GRIA1: variants seen among roughly 807,000 people sequenced by gnomAD.
The protein encoded by GRIA1 is glutamate ionotropic receptor AMPA type subunit 1.
In GRIA1, 31 loss-of-function variants were observed where a neutral mutation model predicts 99.2. The observed-to-expected ratio is 0.31, with a 90% confidence interval of 0.23 to 0.42. GRIA1 has a LOEUF of 0.42. Among genes scored for constraint, GRIA1 ranks in the 10% least tolerant of loss-of-function variants. The pLI is 1.00. For synonymous variants in GRIA1, 438 were observed against 432.4 expected (o/e 1.01, Z -0.16); for missense variants, 782 against 1,157.5 (o/e 0.68, Z 4.71).
chr5:153,518,786 A>G (rs1420750203), intron 2 of GRIA1, among the ~76,000 whole-genome samples: 1 of 152,218 alleles, frequency 6.6e-6, no homozygotes, highest in Admixed American at 6.5e-5. Flanking sequence ...TGGCAGATGC[A>G]GAAATGGAGA....
At chr5:153,625,873 G>T (rs1374929326) in intron 2 of GRIA1, among the ~76,000 whole-genome samples, 1 of 152,190 alleles carries the variant, frequency 6.6e-6, no homozygotes, top group Non-Finnish European at 1.5e-5. Context: ...TTCTGTATAT[G>T]AGGAAACTGA....
chr5:153,796,504 T>G (rs1015994211), intron 14 of GRIA1, among the ~76,000 whole-genome samples: 1 of 152,210 alleles, frequency 6.6e-6, no homozygotes, highest in South Asian at 2.1e-4. Flanking sequence ...GGCTGCTGCT[T>G]CTTAAAAAGC....
At chr5:153,689,685 CAT>C (rs1757597407) in intron 8 of GRIA1, among the ~76,000 whole-genome samples, 1 of 152,154 alleles carries the variant, frequency 6.6e-6, no homozygotes. Context: ...AAGTGAGAGA[CAT>C]TGGGCTGTGC....
rs1274005667 is a variant in GRIA1 at position 153,796,103 on chromosome 5, C to T, written c.2385+1368C>T. ...AAGGATACCCTTTGGCTTACACATT[C>T]AAGGGCCATTGAATTGGCCTCCAAG... On this transcript the variant is annotated intron_variant, in intron 14 of 15. Transcript: ENST00000285900. 2.7e-5 allele frequency among the ~76,000 whole-genome samples: 4 copies of T among 146,640 alleles called. No homozygotes were observed. In the Admixed American group the frequency reaches 2.8e-4, roughly 10 times the overall value.
intron 2 of GRIA1, among the ~76,000 whole-genome samples, chr5:153,576,784 T>C (rs1450995457): frequency 6.6e-6 from 1 of 152,200 alleles, no homozygotes; most frequent in Non-Finnish European, 1.5e-5. Context: ...GACTTTACAG[T>C]GTGTGAAGGT....
At chr5:153,504,895 T>C (rs1388720865) in intron 2 of GRIA1, among the ~76,000 whole-genome samples, 1 of 152,180 alleles carries the variant, frequency 6.6e-6, no homozygotes, top group African/African-American at 2.4e-5. Context: ...CTCAAGCTAT[T>C]GTGCACAAAC....
intron 2 of GRIA1, among the ~76,000 whole-genome samples, chr5:153,514,778 T>C (rs1756450442): frequency 1.3e-5 from 2 of 152,138 alleles, no homozygotes; most frequent in Non-Finnish European, 2.9e-5. Flanking sequence ...AATAACCCTA[T>C]TAAAAATGGG....
At position 153,589,850 on chromosome 5, in the gene GRIA1, G is replaced by C. The variant is rs561179398; in HGVS notation, c.221-57078G>C. 6.6e-5 allele frequency among the ~76,000 whole-genome samples: 10 copies of C among 152,256 alleles called. 1 individual carries two copies. Among genetic ancestry groups the C allele is most frequent in the Middle Eastern group, 3.4e-3 (1 of 294 alleles). On this transcript the variant is annotated intron_variant, in intron 2 of 15. Coordinates refer to ENST00000285900, the MANE Select transcript of GRIA1 (RefSeq NM_000827.4). ...CATAATAATGTACTGTATGGAAAAA[G>C]AGGGAAGATGCTGTTGAAGAAACTG...
chr5:153,575,843 C>G (rs1762485955), intron 2 of GRIA1, among the ~76,000 whole-genome samples: 1 of 152,192 alleles, frequency 6.6e-6, no homozygotes, highest in Non-Finnish European at 1.5e-5. Context: ...CACCAGCCCA[C>G]CAGGCTGGCA....
At chr5:153,555,450 T>C (rs1312039681) in intron 2 of GRIA1, among the ~76,000 whole-genome samples, 1 of 152,194 alleles carries the variant, frequency 6.6e-6, no homozygotes, top group East Asian at 1.9e-4. Context: ...TTATCATTTA[T>C]AATGTTTCAA....
At chr5:153,745,589 C>CAAAAAAAAAAAAAAAAAAAAAAAGAAAA (rs1762098681) in intron 11 of GRIA1, among the ~76,000 whole-genome samples, 1 of 100,908 alleles carries the variant, frequency 9.9e-6, no homozygotes, top group Non-Finnish European at 2.0e-5. Flanking sequence ...AACTCTGTCT[C>CAAAAAAAAAAAAAAAAAAAAAAAGAAAA]AAAAAAAAAA....
At chr5:153,658,671 T>C (rs958502190) in intron 5 of GRIA1, among the ~76,000 whole-genome samples, 10 of 152,216 alleles carry the variant, frequency 6.6e-5, no homozygotes, top group Non-Finnish European at 1.3e-4. Flanking sequence ...AGCCTACTGC[T>C]GCATAGAACT....
chr5:153,504,689 T>C (rs369143230), intron 2 of GRIA1, among the ~76,000 whole-genome samples: 108 of 152,232 alleles, frequency 7.1e-4, no homozygotes, highest in African/African-American at 2.2e-3. Flanking sequence ...GTAATCCTTG[T>C]CCAGCCACGA....
At chr5:153,491,127 G>T in intron 1 of GRIA1, 157 bp downstream of exon 1, 1 of 995,274 alleles carries the variant, frequency 1.0e-6, no homozygotes. Context: ...CTTACAGCCA[G>T]AGGAGGGGGC....
chr5:153,810,209 A>T (rs928130554), intron 15 of GRIA1, among the ~76,000 whole-genome samples: 4 of 152,200 alleles, frequency 2.6e-5, no homozygotes, highest in Non-Finnish European at 4.4e-5. Context: ...TAGAAGTCAC[A>T]AGCTTAGTGG....
At chr5:153,725,427 G>T (rs1282736574) in intron 11 of GRIA1, among the ~76,000 whole-genome samples, 4 of 143,478 alleles carry the variant, frequency 2.8e-5, no homozygotes, top group African/African-American at 7.9e-5. Context: ...TGGACTAAAT[G>T]CTCCAATTAA....
intron 13 of GRIA1, 31 bp from the exon 14 acceptor site, chr5:153,794,590 C>T (rs959282294): frequency 2.2e-6 from 3 of 1,384,632 alleles, no homozygotes; most frequent in South Asian, 1.2e-5. Context: ...CCACCTGTTA[C>T]TCATCGAGTG....
chr5:153,658,739 G>A (rs756972414), intron 5 of GRIA1, among the ~76,000 whole-genome samples: 1 of 152,148 alleles, frequency 6.6e-6, no homozygotes, highest in Non-Finnish European at 1.5e-5. Context: ...AGAGACCAAG[G>A]AAGGCTTTGA....
At chr5:153,751,093 T>A (rs1762482676) in intron 11 of GRIA1, among the ~76,000 whole-genome samples, 1 of 152,000 alleles carries the variant, frequency 6.6e-6, no homozygotes, top group Non-Finnish European at 1.5e-5. Context: ...AGAGCGAGAC[T>A]CTGTCAAAAA....
Sources: allele counts gnomAD v4.1 joint callset (sites outside exome capture counted in the v4.1 genomes callset), GRCh38; gene constraint gnomAD v4.1.1; transcripts MANE v1.5; gene names NCBI Gene and HGNC (gene_info 2026-07-23, HGNC 2026-07-21).